The following CNTN1 variants were observed in gnomAD, a reference collection of about 807,000 sequenced individuals.
CNTN1 encodes contactin 1.
A neutral mutation model predicts 126.4 loss-of-function variants in CNTN1; 38 were observed. The ratio of observed to expected loss-of-function variants is 0.30; its 90% CI spans 0.23 to 0.39. The LOEUF (loss-of-function observed/expected upper bound fraction) is 0.39, where lower values mean the gene tolerates loss of function less well. Ranked by LOEUF, CNTN1 falls within the 10% of genes least tolerant of loss-of-function variation. The pLI, the probability that CNTN1 is intolerant of heterozygous loss-of-function variation, is 1.00. For missense variants in CNTN1, 1,009 were observed against 1,248.4 expected (o/e 0.81, Z 2.89); for synonymous variants, 413 against 422.6 (o/e 0.98, Z 0.28).
At chr12:40,746,701 G>T (rs1938199156) in intron 1 of CNTN1, among the ~76,000 whole-genome samples, 1 of 152,062 alleles carries the variant, frequency 6.6e-6, no homozygotes, top group African/African-American at 2.4e-5. Context: ...CTTGGGAGAT[G>T]AGTATGCGCA....
chr12:40,903,171 T>TGCA lies in CNTN1; in HGVS notation c.-76-5169_-76-5167dup, dbSNP rs139251903. On this transcript the variant is annotated intron_variant, in intron 1 of 23. Transcript: ENST00000551295. ...CACAGAGCTGCATGAGGTTGTGAGA[T>TGCA]GCAGCAGCAGCAGCAGCAGTACCTG... is the stretch of plus-strand genomic sequence containing the variant. 1.6e-3 allele frequency among the ~76,000 whole-genome samples: 249 copies of TGCA among 151,964 alleles called. 2 individuals carry two copies. The highest frequency in any genetic ancestry group is 2.7e-3 in the Non-Finnish European group (185 of 67,932).
intron 3 of CNTN1, 110 bp downstream of exon 3, chr12:40,910,215 T>G: frequency 1.2e-6 from 1 of 846,064 alleles, no homozygotes; most frequent in Non-Finnish European, 1.9e-6. Flanking sequence ...TGGTTAATGT[T>G]AGATCACTAT....
chr12:40,999,274 C>T (rs369680412), intron 17 of CNTN1, among the ~76,000 whole-genome samples: 10 of 151,980 alleles, frequency 6.6e-5, no homozygotes, highest in Non-Finnish European at 1.2e-4. Context: ...TATTTTTAAC[C>T]GTTCACAGTA....
At chr12:41,019,981 G>A (rs1424331332) in intron 19 of CNTN1, among the ~76,000 whole-genome samples, 1 of 151,890 alleles carries the variant, frequency 6.6e-6, no homozygotes, top group Non-Finnish European at 1.5e-5. Flanking sequence ...CATATCAGTT[G>A]AGAGAAATTA....
intron 1 of CNTN1, among the ~76,000 whole-genome samples, chr12:40,848,875 A>G (rs78867747): frequency 0.032 from 4,836 of 151,672 alleles, 129 homozygotes; most frequent in Non-Finnish European, 0.053. Flanking sequence ...ATAAAGGAGA[A>G]AAATCACTTC....
At chr12:41,012,057 G>C (rs1948669810) in intron 17 of CNTN1, among the ~76,000 whole-genome samples, 1 of 152,188 alleles carries the variant, frequency 6.6e-6, no homozygotes, top group African/African-American at 2.4e-5. Flanking sequence ...AAAAAGGGGA[G>C]AGAATTGGGA....
chr12:40,879,239 C>T (rs1008493189), intron 1 of CNTN1, among the ~76,000 whole-genome samples: 2 of 152,074 alleles, frequency 1.3e-5, no homozygotes, highest in Non-Finnish European at 2.9e-5. Context: ...CTTTATAGAA[C>T]ATTGGTTGGC....
chr12:41,005,841 G>T (rs1439971633), intron 17 of CNTN1, among the ~76,000 whole-genome samples: 1 of 151,946 alleles, frequency 6.6e-6, no homozygotes, highest in East Asian at 1.9e-4. Flanking sequence ...ATTATTTTTA[G>T]CTTCCTTACC....
intron 1 of CNTN1, among the ~76,000 whole-genome samples, chr12:40,809,849 CAA>C: frequency 7.0e-6 from 1 of 141,934 alleles, no homozygotes; most frequent in East Asian, 2.2e-4. Context: ...CACACACACA[CAA>C]AAGTCAAAAC....
intron 6 of CNTN1, among the ~76,000 whole-genome samples, chr12:40,926,895 T>G (rs1169493185): frequency 6.6e-6 from 1 of 152,076 alleles, no homozygotes; most frequent in East Asian, 1.9e-4. Context: ...GCATAAAAGT[T>G]TTTGCTGTGA....
chr12:40,812,423 A>G (rs553099767), intron 1 of CNTN1, among the ~76,000 whole-genome samples: 59 of 152,206 alleles, frequency 3.9e-4, no homozygotes, highest in African/African-American at 1.3e-3. Context: ...AGAAACCTAT[A>G]GACAATGTTT....
At chr12:40,946,031 G>A (rs7131810) in intron 14 of CNTN1, among the ~76,000 whole-genome samples, 1 of 151,610 alleles carries the variant, frequency 6.6e-6, no homozygotes, top group Non-Finnish European at 1.5e-5. Context: ...TGTTTAGCAT[G>A]TCATAGATGG....
chr12:40,738,020 A>G (rs914630597), intron 1 of CNTN1, among the ~76,000 whole-genome samples: 2 of 152,094 alleles, frequency 1.3e-5, no homozygotes, highest in African/African-American at 4.8e-5. Context: ...AATTATTTGC[A>G]TAATTCAGCA....
At chr12:41,068,986 G>A (rs946711599) in intron 23 of CNTN1, among the ~76,000 whole-genome samples, 1 of 152,100 alleles carries the variant, frequency 6.6e-6, no homozygotes, top group African/African-American at 2.4e-5. Flanking sequence ...ACAAGACCCT[G>A]TATCTTAAAA....
At chr12:40,822,482 TG>T in intron 1 of CNTN1, among the ~76,000 whole-genome samples, 1 of 152,282 alleles carries the variant, frequency 6.6e-6, no homozygotes, top group South Asian at 2.1e-4. Flanking sequence ...GGAATTGTGA[TG>T]TATGAGTTCT....
chr12:40,757,956 G>A (rs1455648037), intron 1 of CNTN1, among the ~76,000 whole-genome samples: 3 of 151,786 alleles, frequency 2.0e-5, no homozygotes, highest in African/African-American at 7.3e-5. Context: ...AAATAGCATG[G>A]TATAGTAGAA....
At chr12:40,991,785 G>A (rs12818588) in intron 16 of CNTN1, among the ~76,000 whole-genome samples, 3,771 of 152,258 alleles carry the variant, frequency 0.025, 160 homozygotes, top group African/African-American at 0.083. Context: ...CAGAGATCAC[G>A]CAACTGCACT....
rs188672469 is a variant in CNTN1, at chr12:40,965,971, G to T, written c.1804+6737G>T. 8.7e-5 allele frequency among the ~76,000 whole-genome samples: 13 copies of T among 149,504 alleles called. No individual in the cohort carries two copies. In the East Asian group the frequency reaches 2.4e-3, roughly 27 times the overall value. On this transcript the variant is annotated intron_variant, in intron 15 of 23. Transcript: ENST00000551295. ...ATAATATACACACCAAGTTAAACAG[G>T]CGTGTAAGTATACACACCTCATCAC...
At chr12:41,022,410 T>C (rs1343078271) in intron 20 of CNTN1, among the ~76,000 whole-genome samples, 1 of 152,176 alleles carries the variant, frequency 6.6e-6, no homozygotes, top group Non-Finnish European at 1.5e-5. Flanking sequence ...CAAACATGGG[T>C]TTATATTTCA....
Sources: gnomAD v4.1 joint callset for allele counts (sites outside exome capture counted in the v4.1 genomes callset) on GRCh38, gnomAD v4.1.1 for gene constraint, MANE v1.5 for transcripts, NCBI Gene and HGNC (gene_info 2026-07-23, HGNC 2026-07-21) for gene names.